The following TIAM2 variants were observed in gnomAD, a reference collection of about 807,000 sequenced individuals.
TIAM2 encodes TIAM Rac1 associated GEF 2.
Under a neutral mutation model 152.9 loss-of-function variants are expected in TIAM2, and 80 were observed. That is an observed-to-expected ratio of 0.52 (90% CI 0.44 to 0.63). TIAM2 has a LOEUF of 0.63. TIAM2 is among the 30% of genes least tolerant of loss of function. The pLI, the probability that TIAM2 is intolerant of heterozygous loss-of-function variation, is 0.00. For missense variants in TIAM2, 1,965 were observed against 2,120.1 expected, an observed-to-expected ratio of 0.93 and a Z score of 1.44; for synonymous variants, 804 against 838.0, an observed-to-expected ratio of 0.96 and a Z score of 0.70.
chr6:155,241,624 G>A (rs967559517), intron 16 of TIAM2, among the ~76,000 whole-genome samples: 4 of 152,130 alleles, frequency 2.6e-5, no homozygotes, highest in Non-Finnish European at 4.4e-5. Context: ...TGTTGATGTC[G>A]CTGTTTTACC....
chr6:155,140,556 A>ATGTG lies in TIAM2; in HGVS notation c.1630+2959_1630+2962dup, dbSNP rs201167708. On this transcript the variant is annotated intron_variant, in intron 5 of 26. Transcript: ENST00000682666. Reference sequence around the variant, plus strand: ...TGGGAGGCAGGGTGACTGTGTGTGTATGTGTGTGTGTGTGTGTGAGAGAGA... The same window carrying ATGTG: ...TGGGAGGCAGGGTGACTGTGTGTGTATGTGTGTGTGTGTGTGTGTGTGAGAGAGA... Among the ~76,000 whole-genome samples the ATGTG allele has an allele frequency of 6.4e-3, 764 of 119,988 alleles. 13 individuals carry two copies. The highest frequency in any genetic ancestry group is 0.023 in the African/African-American group (707 of 30,404). 78.7% of individuals were successfully genotyped at this position (119,988 alleles called of 152,430 possible).
At chr6:155,062,868 C>G (rs951461393) in intron 1 of TIAM2, among the ~76,000 whole-genome samples, 16 of 152,136 alleles carry the variant, frequency 1.1e-4, no homozygotes, top group Non-Finnish European at 1.2e-4. Context: ...AGCCACCATG[C>G]CTGGCCTCTC....
chr6:155,104,616 G>C (rs939504123), intron 2 of TIAM2, among the ~76,000 whole-genome samples: 7 of 152,080 alleles, frequency 4.6e-5, no homozygotes, highest in Admixed American at 6.5e-5. Context: ...AATTAGCTGG[G>C]CGTGGTGGCG....
chr6:155,226,038 AAT>A (rs1491480929), intron 15 of TIAM2, among the ~76,000 whole-genome samples: 2 of 152,216 alleles, frequency 1.3e-5, no homozygotes, highest in Non-Finnish European at 2.9e-5. Context: ...CAGAAGCTAC[AAT>A]TTTTTTGAAA....
intron 1 of TIAM2, among the ~76,000 whole-genome samples, chr6:155,083,530 C>T (rs1272833652): frequency 6.6e-6 from 1 of 152,090 alleles, no homozygotes; most frequent in African/African-American, 2.4e-5. Flanking sequence ...ACAGGACTAG[C>T]CTGCTGCCAT....
intron 2 of TIAM2, among the ~76,000 whole-genome samples, chr6:155,101,624 A>G (rs1296353029): frequency 6.6e-6 from 1 of 152,208 alleles, no homozygotes; most frequent in Non-Finnish European, 1.5e-5. Flanking sequence ...TGAGAAGTAA[A>G]GAATATGGAA....
At position 155,245,757 on chromosome 6, in the gene TIAM2, T is replaced by TTTG. The variant is rs1554246889; in HGVS notation, c.3652+28_3652+29insGTT. The TTTG allele has an allele frequency of 1.0e-5, 14 of 1,403,518 alleles. No homozygotes were observed. The African/African-American group carries it at 1.5e-4, about 15-fold the overall frequency. The allele number at this position is 1,403,518 out of a possible 1,614,324, so 86.9% of individuals were successfully genotyped here. On this transcript the variant is annotated intron_variant, in intron 19 of 26. Transcript: ENST00000682666. ...GTAAGTTGCTTATGCCTTTTATAGTTTTTTTTTTTTTTTGCATTTTTAACT... is the reference window on the plus strand; with the variant it reads ...GTAAGTTGCTTATGCCTTTTATAGTTTTGTTTTTTTTTTTTTGCATTTTTAACT...
At chr6:155,110,935 A>G (rs1041056827) in intron 2 of TIAM2, among the ~76,000 whole-genome samples, 4 of 152,182 alleles carry the variant, frequency 2.6e-5, no homozygotes, top group African/African-American at 9.7e-5. Context: ...AAGTGAGAAT[A>G]ATCCTTATCC....
At chr6:155,185,495 TTTA>T (rs1781022604) in intron 14 of TIAM2, among the ~76,000 whole-genome samples, 3 of 682 alleles carry the variant, frequency 4.4e-3, no homozygotes, top group East Asian at 0.071. Context: ...GCCACTTTTA[TTTA>T]TTTATTTATT....
intron 15 of TIAM2, among the ~76,000 whole-genome samples, chr6:155,212,924 C>T (rs546636902): frequency 1.3e-5 from 2 of 152,282 alleles, no homozygotes; most frequent in East Asian, 1.9e-4. Flanking sequence ...TGTGAAGCTA[C>T]GGCTGGATCA....
At chr6:155,051,686 C>T (rs1323068457) in intron 1 of TIAM2, among the ~76,000 whole-genome samples, 1 of 151,880 alleles carries the variant, frequency 6.6e-6, no homozygotes, top group Non-Finnish European at 1.5e-5. Context: ...CTCTTGTTGC[C>T]CAGGCTGGAG....
chr6:155,181,656 C>A (rs915956373), intron 12 of TIAM2, among the ~76,000 whole-genome samples: 2 of 152,148 alleles, frequency 1.3e-5, no homozygotes, highest in Non-Finnish European at 2.9e-5. Flanking sequence ...CCCTGGCAAC[C>A]ACCAGTTTGT....
chr6:155,089,350 G>T (rs1778246244), intron 1 of TIAM2, among the ~76,000 whole-genome samples: 1 of 152,092 alleles, frequency 6.6e-6, no homozygotes, highest in Non-Finnish European at 1.5e-5. Flanking sequence ...GGGACTACAG[G>T]CGTGAGCCAC....
chr6:155,032,753 C>G (rs1242142723), intron 1 of TIAM2, among the ~76,000 whole-genome samples: 1 of 152,180 alleles, frequency 6.6e-6, no homozygotes, highest in Non-Finnish European at 1.5e-5. Context: ...GTTGGCCAGG[C>G]TGGTCTTGAA....
chr6:155,061,986 C>G (rs1270578361), intron 1 of TIAM2, among the ~76,000 whole-genome samples: 1 of 151,998 alleles, frequency 6.6e-6, no homozygotes, highest in Non-Finnish European at 1.5e-5. Context: ...GATTTTTGTC[C>G]CTAGAATTGT....
chr6:155,076,569 G>A (rs747598343), intron 1 of TIAM2, among the ~76,000 whole-genome samples: 7 of 152,142 alleles, frequency 4.6e-5, no homozygotes, highest in Non-Finnish European at 8.8e-5. Flanking sequence ...TTTGTTAACT[G>A]AGAGAGGTGG....
chr6:155,025,821 AACACACACACACACACAC>A lies in TIAM2; in HGVS notation c.-209+30367_-209+30384del, dbSNP rs58173623. On this transcript the variant is annotated intron_variant, in intron 1 of 26. Coordinates refer to ENST00000682666, the MANE Select transcript of TIAM2 (RefSeq NM_012454.4). ...AACACATGTGAGCACCTCCCCCTCA[AACACACACACACACACAC>A]ACACACACACACACACACACACACA... Among the ~76,000 whole-genome samples, 243 of 131,872 alleles carry A rather than the reference AACACACACACACACACAC, an allele frequency of 1.8e-3. 2 individuals carry two copies. Among genetic ancestry groups the A allele is most frequent in the Middle Eastern group, 0.011 (3 of 268 alleles). The allele number at this position is 131,872 out of a possible 152,430, so 86.5% of individuals were successfully genotyped here.
chr6:155,050,910 T>G (rs7753168), intron 1 of TIAM2, among the ~76,000 whole-genome samples: 48,732 of 152,104 alleles, frequency 0.32, 8,061 homozygotes, highest in East Asian at 0.51. Flanking sequence ...GGGCATTGTT[T>G]TATTCATTGG....
At chr6:155,249,821 A>G in intron 20 of TIAM2, 30 bp from the exon 21 acceptor site, 1 of 1,566,236 alleles carries the variant, frequency 6.4e-7, no homozygotes, top group South Asian at 1.1e-5. Flanking sequence ...AATAACAGTT[A>G]TGAAATAAAT....
Sources: gnomAD v4.1 joint callset for allele counts (sites outside exome capture counted in the v4.1 genomes callset) on GRCh38, gnomAD v4.1.1 for gene constraint, MANE v1.5 for transcripts, NCBI Gene and HGNC (gene_info 2026-07-23, HGNC 2026-07-21) for gene names.